Variants in MTFR1 observed in about 807,000 individuals in gnomAD.
MTFR1 encodes mitochondrial fission regulator 1, also known as chondrocyte protein with a poly-proline region.
Under a neutral mutation model 38.8 loss-of-function variants are expected in MTFR1, and 28 were observed. The ratio of observed to expected loss-of-function variants is 0.72; its 90% CI spans 0.53 to 0.99. The LOEUF is 0.99. Among genes scored for constraint, MTFR1 ranks in the 50% least tolerant of loss-of-function variants. The pLI, the probability that MTFR1 is intolerant of heterozygous loss-of-function variation, is 0.00. For missense variants in MTFR1, 358 were observed against 395.5 expected (o/e 0.91, Z 0.81); for synonymous variants, 145 against 137.0 (o/e 1.06, Z -0.41).
intron 3 of MTFR1, among the ~76,000 whole-genome samples, chr8:65,759,800 C>A (rs1808407190): frequency 6.6e-6 from 1 of 152,092 alleles, no homozygotes; most frequent in Non-Finnish European, 1.5e-5. Context: ...GGAAAGGTTG[C>A]ATGTGAGAGC....
intron 3 of MTFR1, among the ~76,000 whole-genome samples, chr8:65,736,774 T>C (rs940686374): frequency 7.0e-6 from 1 of 143,126 alleles, no homozygotes; most frequent in Non-Finnish European, 1.5e-5. Flanking sequence ...AAAAGCCCTA[T>C]GTAATAAATT....
chr8:65,697,274 C>T (rs1188450698), intron 4 of MTFR1, among the ~76,000 whole-genome samples: 3 of 152,184 alleles, frequency 2.0e-5, no homozygotes, highest in African/African-American at 4.8e-5. Context: ...CGTGAGCCAC[C>T]GCGCCTGGCC....
At chr8:65,719,205 C>A in intron 2 of MTFR1, 1 of 875,708 alleles carries the variant, frequency 1.1e-6, no homozygotes, top group African/African-American at 1.7e-5. Flanking sequence ...CCTTGGCAGT[C>A]AAGAGTTAAG....
intron 4 of MTFR1, among the ~76,000 whole-genome samples, chr8:65,699,674 G>GT (rs1805552627): frequency 6.6e-6 from 1 of 152,094 alleles, no homozygotes; most frequent in African/African-American, 2.4e-5. Flanking sequence ...AGTTCACCAT[G>GT]TGGATCTCTA....
At chr8:65,657,128 C>T (rs368755601) in intron 1 of MTFR1, among the ~76,000 whole-genome samples, 3 of 151,822 alleles carry the variant, frequency 2.0e-5, no homozygotes, top group East Asian at 1.9e-4. Context: ...ATTCTCCTGC[C>T]TCAGCCTCCC....
At chr8:65,668,598 C>T (rs148818793) in intron 1 of MTFR1, among the ~76,000 whole-genome samples, 1 of 148,156 alleles carries the variant, frequency 6.7e-6, no homozygotes, top group East Asian at 2.0e-4. Context: ...TTTGCATCCT[C>T]CGCCTACTGG....
chr8:65,766,778 C>A (rs943314209), intron 3 of MTFR1, among the ~76,000 whole-genome samples: 1 of 152,130 alleles, frequency 6.6e-6, no homozygotes, highest in African/African-American at 2.4e-5. Flanking sequence ...AACAGGTTAA[C>A]GTTAGCTGAA....
At chr8:65,756,769 A>C (rs905368685) in intron 3 of MTFR1, among the ~76,000 whole-genome samples, 4 of 151,768 alleles carry the variant, frequency 2.6e-5, no homozygotes, top group East Asian at 1.9e-4. Flanking sequence ...TTTATATCAA[A>C]TTCTTTTTTT....
chr8:65,697,275 G>A (rs897745511), intron 4 of MTFR1, among the ~76,000 whole-genome samples: 4 of 152,102 alleles, frequency 2.6e-5, no homozygotes, highest in East Asian at 1.9e-4. Flanking sequence ...GTGAGCCACC[G>A]CGCCTGGCCA....
At position 65,727,495 on chromosome 8, in the gene MTFR1, G is replaced by C; in HGVS notation, c.*48+8014G>C. The C allele has an allele frequency of 4.9e-6, 3 of 611,472 alleles. No homozygotes were observed. In the South Asian group the frequency reaches 7.9e-5, roughly 16 times the overall value. The allele number at this position is 611,472 out of a possible 1,614,324, so 37.9% of individuals were successfully genotyped here. On this transcript the variant is annotated intron_variant, in intron 3 of 3. Coordinates refer to the MTFR1 transcript ENST00000521247. ...CTGATCTCATCACCACACTGGCAAA[G>C]CCATGATACAACAGTGGCCCTGCCC... is the stretch of plus-strand genomic sequence containing the variant.
At chr8:65,740,072 G>A (rs1807339997) in intron 3 of MTFR1, among the ~76,000 whole-genome samples, 1 of 150,958 alleles carries the variant, frequency 6.6e-6, no homozygotes, top group East Asian at 2.0e-4. Context: ...ACAGGGTTAG[G>A]AGGAGGCATC....
intron 3 of MTFR1, among the ~76,000 whole-genome samples, chr8:65,761,146 G>A (rs961449131): frequency 6.6e-6 from 1 of 151,168 alleles, no homozygotes; most frequent in African/African-American, 2.4e-5. Context: ...TGCAACCTCC[G>A]CCTCCCAGGT....
intron 3 of MTFR1, among the ~76,000 whole-genome samples, chr8:65,751,759 T>C (rs1007184305): frequency 6.6e-6 from 1 of 152,246 alleles, no homozygotes; most frequent in African/African-American, 2.4e-5. Context: ...CCCAAAATGC[T>C]GGGATTACAG....
At chr8:65,735,316 A>G (rs1199768638) in intron 3 of MTFR1, among the ~76,000 whole-genome samples, 1 of 151,952 alleles carries the variant, frequency 6.6e-6, no homozygotes, top group African/African-American at 2.4e-5. Context: ...CTTGGTTAAT[A>G]GTGTTTTTTT....
At chr8:65,659,824 A>G (rs555549831) in intron 1 of MTFR1, among the ~76,000 whole-genome samples, 1 of 152,312 alleles carries the variant, frequency 6.6e-6, no homozygotes, top group African/African-American at 2.4e-5. Context: ...TTGTTCTAAA[A>G]GTATTAATAT....
intron 2 of MTFR1, among the ~76,000 whole-genome samples, chr8:65,678,305 T>C (rs1298046050): frequency 6.6e-6 from 1 of 152,094 alleles, no homozygotes; most frequent in Non-Finnish European, 1.5e-5. Context: ...TAGAAAAAAA[T>C]AGAAAAGTAG....
At chr8:65,664,611 T>G (rs994254951) in intron 1 of MTFR1, among the ~76,000 whole-genome samples, 4 of 131,902 alleles carry the variant, frequency 3.0e-5, no homozygotes, top group African/African-American at 1.3e-4. Flanking sequence ...TTTTCCTTTG[T>G]TTTTTTTTTT....
At chr8:65,761,340 A>G (rs1423816273) in intron 3 of MTFR1, among the ~76,000 whole-genome samples, 1 of 152,198 alleles carries the variant, frequency 6.6e-6, no homozygotes, top group East Asian at 1.9e-4. Flanking sequence ...CTAGGATTAC[A>G]GGCATGAGCC....
chr8:65,729,822 G>A (rs1368891005), intron 3 of MTFR1, among the ~76,000 whole-genome samples: 5 of 151,972 alleles, frequency 3.3e-5, no homozygotes, highest in African/African-American at 1.2e-4. Flanking sequence ...GCCTGCCTTG[G>A]CCTCCCAAAG....
Sources: gnomAD v4.1 joint callset for allele counts (sites outside exome capture counted in the v4.1 genomes callset) on GRCh38, gnomAD v4.1.1 for gene constraint, MANE v1.5 for transcripts, NCBI Gene and HGNC (gene_info 2026-07-23, HGNC 2026-07-21) for gene names.